GPBP1: variants seen among roughly 807,000 people sequenced by gnomAD.
The protein encoded by GPBP1 is vasculin.
Under a neutral mutation model 56.5 loss-of-function variants are expected in GPBP1, and 13 were observed. That is an observed-to-expected ratio of 0.23 (90% confidence interval 0.15 to 0.37). GPBP1 has a LOEUF of 0.37. Among genes scored for constraint, GPBP1 ranks in the 10% least tolerant of loss-of-function variants. The probability of loss-of-function intolerance (pLI) is 1.00; values close to 1 mark genes in which losing one functional copy is unlikely to be tolerated. For synonymous variants in GPBP1, 204 were observed against 188.9 expected (o/e 1.08, Z -0.66); for missense variants, 477 against 572.3 (o/e 0.83, Z 1.70).
In GPBP1 at chr5:57,261,381, A is replaced by G. The variant is rs1159602645; in HGVS notation, c.1263+99A>G. On this transcript the variant is annotated intron_variant, in intron 11 of 11. Coordinates refer to ENST00000506184, the MANE Select transcript of GPBP1 (RefSeq NM_022913.4). ...TGGAGTGGGGGAGATTTAGGAATTT[A>G]TCACGATAGGTCAGAATTGCTTTTA... is the stretch of plus-strand genomic sequence containing the variant. The G allele has an allele frequency of 1.1e-5, 8 of 707,464 alleles. No individual in the cohort carries two copies. The African/African-American group carries it at 1.4e-4, about 13-fold the overall frequency. The allele number at this position is 707,464 out of a possible 1,614,324, so 43.8% of individuals were successfully genotyped here. A position where few individuals can be genotyped will look rare whatever the true frequency, so the allele number is the denominator to read the frequency against.
At chr5:57,210,718 C>T (rs1046393261) in intron 2 of GPBP1, among the ~76,000 whole-genome samples, 2 of 152,138 alleles carry the variant, frequency 1.3e-5, no homozygotes, top group Admixed American at 6.6e-5. Context: ...TTTATTTTCT[C>T]AGTTTTGGAG....
At chr5:57,258,552 GC>G (rs1741760127) in intron 10 of GPBP1, among the ~76,000 whole-genome samples, 1 of 152,238 alleles carries the variant, frequency 6.6e-6, no homozygotes, top group Non-Finnish European at 1.5e-5. Flanking sequence ...ATGGGATTAT[GC>G]ATCATATGTG....
chr5:57,216,235 G>A (rs1254306030), intron 3 of GPBP1, among the ~76,000 whole-genome samples: 1 of 152,174 alleles, frequency 6.6e-6, no homozygotes, highest in Non-Finnish European at 1.5e-5. Flanking sequence ...GGTGAGAAAT[G>A]TTGGCAGTCT....
chr5:57,215,499 G>T (rs1310796821), intron 3 of GPBP1, among the ~76,000 whole-genome samples: 2 of 152,194 alleles, frequency 1.3e-5, no homozygotes, highest in Non-Finnish European at 2.9e-5. Context: ...GCCTAAATTT[G>T]ATCCATGCTC....
intron 3 of GPBP1, among the ~76,000 whole-genome samples, chr5:57,216,300 A>G (rs1324182686): frequency 6.6e-6 from 1 of 152,126 alleles, no homozygotes; most frequent in Non-Finnish European, 1.5e-5. Flanking sequence ...AGGGGAAGAA[A>G]CCTGTCTTCT....
intron 6 of GPBP1, among the ~76,000 whole-genome samples, chr5:57,242,251 T>G (rs1045179500): frequency 6.6e-6 from 1 of 152,334 alleles, no homozygotes; most frequent in Non-Finnish European, 1.5e-5. Flanking sequence ...ACCTTTAATT[T>G]GAATTGTAAT....
chr5:57,240,512 T>C (rs1740775659), intron 6 of GPBP1, among the ~76,000 whole-genome samples: 1 of 152,200 alleles, frequency 6.6e-6, no homozygotes, highest in African/African-American at 2.4e-5. Flanking sequence ...AGGAACAATT[T>C]CCATTTTCTT....
intron 6 of GPBP1, among the ~76,000 whole-genome samples, chr5:57,244,418 GTC>G (rs1199829563): frequency 6.6e-6 from 1 of 152,162 alleles, no homozygotes; most frequent in African/African-American, 2.4e-5. Context: ...TGAACTAGAA[GTC>G]TCTGTTAGCC....
At chr5:57,218,339 G>T (rs1327862824) in intron 3 of GPBP1, among the ~76,000 whole-genome samples, 2 of 152,176 alleles carry the variant, frequency 1.3e-5, no homozygotes, top group Non-Finnish European at 2.9e-5. Context: ...CAGGATTTCT[G>T]CAACCACCCC....
intron 10 of GPBP1, among the ~76,000 whole-genome samples, chr5:57,252,631 G>A (rs529887317): frequency 2.0e-5 from 3 of 152,086 alleles, no homozygotes; most frequent in East Asian, 1.9e-4. Flanking sequence ...GAGCTGAAGC[G>A]ATCCTCCCGT....
chr5:57,180,748 GT>G (rs1270119544), intron 2 of GPBP1, among the ~76,000 whole-genome samples: 1 of 152,054 alleles, frequency 6.6e-6, no homozygotes, highest in Non-Finnish European at 1.5e-5. Flanking sequence ...TTTTTTTGGG[GT>G]TTTTTGTTTT....
At chr5:57,188,478 C>T (rs547305542) in intron 2 of GPBP1, among the ~76,000 whole-genome samples, 10 of 152,122 alleles carry the variant, frequency 6.6e-5, no homozygotes, top group South Asian at 6.2e-4. Flanking sequence ...TGGAGGCTCA[C>T]GCCTGTAATC....
rs536637791 is a variant in GPBP1, at chr5:57,183,041, T to C, written c.-58+6641T>C. 3.0e-4 allele frequency among the ~76,000 whole-genome samples: 45 copies of C among 152,218 alleles called. No homozygotes were observed. The South Asian group carries it at 8.9e-3, about 30-fold the overall frequency. On this transcript the variant is annotated intron_variant, in intron 2 of 11. Transcript: ENST00000506184. ...TTTTAAAGCCATATTTCAATTTTTTTCCTACACTTTTCATGCAAGAATAAG... is the reference window on the plus strand; with the variant it reads ...TTTTAAAGCCATATTTCAATTTTTTCCCTACACTTTTCATGCAAGAATAAG...
intron 2 of GPBP1, among the ~76,000 whole-genome samples, chr5:57,206,271 T>C (rs1755230976): frequency 6.6e-6 from 1 of 152,222 alleles, no homozygotes; most frequent in African/African-American, 2.4e-5. Flanking sequence ...TTGTTACTCT[T>C]GGTTTTGGTG....
At chr5:57,223,246 A>C (rs1756031063) in intron 3 of GPBP1, among the ~76,000 whole-genome samples, 1 of 151,896 alleles carries the variant, frequency 6.6e-6, no homozygotes, top group South Asian at 2.1e-4. Flanking sequence ...GTGTGCCACC[A>C]CGCCCAGCTA....
intron 2 of GPBP1, among the ~76,000 whole-genome samples, chr5:57,190,694 CTTTTTTTTTTTTTTTTT>C (rs773540051): frequency 1.5e-5 from 1 of 68,852 alleles, no homozygotes; most frequent in Non-Finnish European, 2.8e-5. Flanking sequence ...TTGCTGTTAG[CTTTTTTTTTTTTTTTTT>C]TTTTTTTTTT....
At chr5:57,182,169 C>T (rs2111578056) in intron 2 of GPBP1, among the ~76,000 whole-genome samples, 1 of 152,108 alleles carries the variant, frequency 6.6e-6, no homozygotes, top group East Asian at 1.9e-4. Flanking sequence ...CTGCAACCTC[C>T]ACCTCCCAGG....
chr5:57,211,576 T>TTG (rs67872011), intron 2 of GPBP1, among the ~76,000 whole-genome samples: 1,574 of 150,908 alleles, frequency 0.01, 16 homozygotes, highest in Middle Eastern at 0.052. Flanking sequence ...CTCCGGGGAT[T>TTG]TTGTTGTTGT....
rs182804506 is a variant in GPBP1 at position 57,196,618 on chromosome 5, C to T, written c.-57-17456C>T. ...ATTTATTTATTTTTGGAGACAAGGT[C>T]TCGCTCTGTCTTCCAGGCTGGAGTG... On this transcript the variant is annotated intron_variant, in intron 2 of 11. Transcript: ENST00000506184. Among the ~76,000 whole-genome samples, 609 of 152,214 alleles carry T rather than the reference C, an allele frequency of 4.0e-3. 2 individuals carry two copies. Among genetic ancestry groups the T allele is most frequent in the Non-Finnish European group, 6.6e-3 (447 of 68,024 alleles).
Sources: allele counts gnomAD v4.1 joint callset (sites outside exome capture counted in the v4.1 genomes callset), GRCh38; gene constraint gnomAD v4.1.1; transcripts MANE v1.5; gene names NCBI Gene and HGNC (gene_info 2026-07-23, HGNC 2026-07-21).